The following CNTNAP5 variants were observed in gnomAD, a reference collection of about 807,000 sequenced individuals.
CNTNAP5 encodes contactin-associated protein-like 5.
CNTNAP5 carries 72 observed loss-of-function variants against 150.2 expected under a neutral mutation model. The observed-to-expected ratio is 0.48, with a 90% CI of 0.40 to 0.58. The LOEUF is 0.58. CNTNAP5 is among the 20% of genes least tolerant of loss of function. CNTNAP5 has a pLI of 0.00. For missense variants in CNTNAP5, 1,636 were observed against 1,626.2 expected (o/e 1.01, Z -0.10); for synonymous variants, 672 against 619.8 (o/e 1.08, Z -1.25).
chr2:124,693,116 G>A (rs7603818), intron 13 of CNTNAP5, among the ~76,000 whole-genome samples: 97,810 of 151,952 alleles, frequency 0.64, 32,451 homozygotes, highest in Non-Finnish European at 0.71. Context: ...ACACAGATAC[G>A]GGTTCAAATC....
rs1302301207 is a variant in CNTNAP5 at position 124,747,387 on chromosome 2, T to TA, written c.2234+4dup. 5.6e-6 allele frequency: 9 copies of TA among 1,613,688 alleles called. No individual in the cohort carries two copies. Among genetic ancestry groups the TA allele is most frequent in the Non-Finnish European group, 7.6e-6 (9 of 1,179,682 alleles). ...TTGCGACGCTGACAAGGATGAATGG[T>TA]AATGAGAATCTCCATCTTTCTGCAA... On this transcript the variant is annotated splice_region_variant and intron_variant, in intron 14 of 23. Transcript: ENST00000682447.
chr2:124,222,993 A>G (rs189923489), intron 2 of CNTNAP5, among the ~76,000 whole-genome samples: 103 of 152,260 alleles, frequency 6.8e-4, no homozygotes, highest in Non-Finnish European at 8.8e-4. Context: ...GAAAATTTCA[A>G]TTAAAATTTT....
chr2:124,163,904 A>G (rs1684748115), intron 1 of CNTNAP5, among the ~76,000 whole-genome samples: 1 of 152,072 alleles, frequency 6.6e-6, no homozygotes, highest in African/African-American at 2.4e-5. Context: ...AACATTCACA[A>G]CTTGATCATT....
intron 1 of CNTNAP5, among the ~76,000 whole-genome samples, chr2:124,128,732 T>C (rs1683776315): frequency 6.6e-6 from 1 of 151,792 alleles, no homozygotes; most frequent in Non-Finnish European, 1.5e-5. Context: ...TATGCAGCCA[T>C]AAAAAAGGGT....
chr2:124,320,957 G>A (rs1689083356), intron 3 of CNTNAP5, among the ~76,000 whole-genome samples: 1 of 152,156 alleles, frequency 6.6e-6, no homozygotes, highest in African/African-American at 2.4e-5. Context: ...TTGAGTTTAA[G>A]GGAAGATGGA....
intron 11 of CNTNAP5, among the ~76,000 whole-genome samples, chr2:124,603,836 A>T (rs1697038468): frequency 6.6e-6 from 1 of 152,178 alleles, no homozygotes; most frequent in Non-Finnish European, 1.5e-5. Flanking sequence ...TACATATATA[A>T]ATTGATTGAT....
chr2:124,847,485 G>A (rs531718334), intron 19 of CNTNAP5, among the ~76,000 whole-genome samples: 11 of 152,262 alleles, frequency 7.2e-5, no homozygotes, highest in African/African-American at 2.2e-4. Context: ...CAACAGCATC[G>A]AGTCTATATC....
At chr2:124,125,944 G>A (rs1346726549) in intron 1 of CNTNAP5, among the ~76,000 whole-genome samples, 1 of 152,180 alleles carries the variant, frequency 6.6e-6, no homozygotes, top group East Asian at 1.9e-4. Context: ...AGCACTAAAT[G>A]TCCACAAGGG....
chr2:124,707,140 G>GAAGAGGAAGAAGAAGAA (rs1679697343), intron 13 of CNTNAP5, among the ~76,000 whole-genome samples: 1 of 86,380 alleles, frequency 1.2e-5, no homozygotes, highest in African/African-American at 4.6e-5. Context: ...AAGAAGAAGA[G>GAAGAGGAAGAAGAAGAA]GAAGAAGAAG....
At chr2:124,097,066 A>G (rs1682955385) in intron 1 of CNTNAP5, among the ~76,000 whole-genome samples, 1 of 152,102 alleles carries the variant, frequency 6.6e-6, no homozygotes, top group Admixed American at 6.5e-5. Context: ...TGCCATCCAA[A>G]CATGACCTAT....
At chr2:124,091,168 C>T (rs80252334) in intron 1 of CNTNAP5, among the ~76,000 whole-genome samples, 11,653 of 152,074 alleles carry the variant, frequency 0.077, 536 homozygotes, top group South Asian at 0.15. Context: ...CAAATAAGAC[C>T]TCACCTGGTA....
In CNTNAP5 at chr2:124,504,384, C is replaced by A. The variant is rs967697335; in HGVS notation, c.1155C>A (p.Pro385=). ...SGSYLLLPGT[P]QIDGLSVSFQ... is the part of the protein sequence containing the mutation. ...GCTATTTGCTGCTGCCCGGCACCCCCCAAATTGATGGGCTCTCAGTGAGTT... is the reference window on the plus strand; with the variant it reads ...GCTATTTGCTGCTGCCCGGCACCCCACAAATTGATGGGCTCTCAGTGAGTT... Residue 385 remains proline, a synonymous_variant, in exon 8 of 24, where the codon CCC becomes CCA. Coordinates refer to ENST00000682447, the MANE Select transcript of CNTNAP5 (RefSeq NM_001367498.1). The A allele has an allele frequency of 3.1e-6, 5 of 1,613,970 alleles. No homozygotes were observed.
chr2:124,404,591 A>G (rs1049384490), intron 3 of CNTNAP5, among the ~76,000 whole-genome samples: 1 of 152,194 alleles, frequency 6.6e-6, no homozygotes, highest in Non-Finnish European at 1.5e-5. Flanking sequence ...CTTAGGAATG[A>G]CTGAGTGGCA....
intron 10 of CNTNAP5, among the ~76,000 whole-genome samples, chr2:124,562,723 A>C (rs1695922121): frequency 1.3e-5 from 2 of 152,318 alleles, no homozygotes; most frequent in South Asian, 4.1e-4. Context: ...AGATGAACAA[A>C]TATCATCTTT....
At position 124,205,521 on chromosome 2, in the gene CNTNAP5, C is replaced by A. The variant is rs1275759522; in HGVS notation, c.83-16184C>A. ...GCAACCTCCGCCTCCTGGGTTCAAG[C>A]GATTCTCCTGCCTCAGCCTCCCAAG... is the stretch of plus-strand genomic sequence containing the variant. On this transcript the variant is annotated intron_variant, in intron 1 of 23. Coordinates refer to ENST00000682447, the MANE Select transcript of CNTNAP5 (RefSeq NM_001367498.1). 4.0e-5 allele frequency among the ~76,000 whole-genome samples: 6 copies of A among 151,598 alleles called. No individual in the cohort carries two copies. The East Asian group carries it at 1.2e-3, about 30-fold the overall frequency.
intron 1 of CNTNAP5, among the ~76,000 whole-genome samples, chr2:124,114,381 T>C (rs1683375905): frequency 6.6e-6 from 1 of 152,046 alleles, no homozygotes. Context: ...ATTTTTATGA[T>C]ACATTATAAA....
chr2:124,730,322 C>G, intron 13 of CNTNAP5, among the ~76,000 whole-genome samples: 1 of 150,580 alleles, frequency 6.6e-6, no homozygotes, highest in East Asian at 1.9e-4. Flanking sequence ...CAGGTGTGCG[C>G]GTGTGTGTGT....
intron 10 of CNTNAP5, among the ~76,000 whole-genome samples, chr2:124,555,420 C>T (rs921202952): frequency 6.6e-6 from 1 of 152,152 alleles, no homozygotes; most frequent in Admixed American, 6.6e-5. Context: ...CCATAACATC[C>T]ACAGTTGGCT....
intron 1 of CNTNAP5, among the ~76,000 whole-genome samples, chr2:124,137,373 C>A (rs1410772699): frequency 6.6e-6 from 1 of 151,132 alleles, no homozygotes; most frequent in Non-Finnish European, 1.5e-5. Context: ...GGAGGAAATA[C>A]AAGGAAAAAA....
Sources: allele counts gnomAD v4.1 joint callset (sites outside exome capture counted in the v4.1 genomes callset), GRCh38; gene constraint gnomAD v4.1.1; transcripts MANE v1.5; gene names NCBI Gene and HGNC (gene_info 2026-07-23, HGNC 2026-07-21).